EIF3H: variants seen among roughly 807,000 people sequenced by gnomAD.
EIF3H encodes eIF-3-gamma.
A neutral mutation model predicts 44.2 loss-of-function variants in EIF3H; 26 were observed. The observed-to-expected ratio is 0.59, with a 90% CI of 0.43 to 0.82. EIF3H has a LOEUF of 0.82. Ranked by LOEUF, EIF3H falls within the 40% of genes least tolerant of loss-of-function variation. The probability of loss-of-function intolerance (pLI) is 0.00; values close to 1 mark genes in which losing one functional copy is unlikely to be tolerated. For missense variants in EIF3H, 359 were observed against 432.8 expected (o/e 0.83, Z 1.51); for synonymous variants, 166 against 151.9 (o/e 1.09, Z -0.68).
intron 2 of EIF3H, among the ~76,000 whole-genome samples, chr8:116,714,205 C>A (rs1171580315): frequency 2.6e-5 from 4 of 152,010 alleles, no homozygotes; most frequent in African/African-American, 4.8e-5. Context: ...CCCAAACATA[C>A]AAATAATCAG....
chr8:116,748,360 A>C (rs1256624889), intron 1 of EIF3H, among the ~76,000 whole-genome samples: 3 of 152,334 alleles, frequency 2.0e-5, no homozygotes, highest in South Asian at 4.1e-4. Flanking sequence ...ATCCCTGTAC[A>C]GGGTCTTATA....
chr8:116,656,094 C>CT, intron 4 of EIF3H, 89 bp from the exon 5 acceptor site: 1 of 1,238,490 alleles, frequency 8.1e-7, no homozygotes, highest in Non-Finnish European at 1.1e-6. Context: ...ATTACAGGCC[C>CT]TATCCAAGAT....
At chr8:116,729,543 A>T (rs1377822671) in intron 1 of EIF3H, among the ~76,000 whole-genome samples, 1 of 152,202 alleles carries the variant, frequency 6.6e-6, no homozygotes, top group African/African-American at 2.4e-5. Context: ...GCTCCAAGTA[A>T]AAGAAATAAT....
At chr8:116,679,148 C>T (rs1586450640) in intron 2 of EIF3H, among the ~76,000 whole-genome samples, 1 of 75,052 alleles carries the variant, frequency 1.3e-5, no homozygotes. Context: ...CGGCCAGCCG[C>T]CCCGTCCGGG....
At chr8:116,744,951 G>A (rs761427720) in intron 1 of EIF3H, among the ~76,000 whole-genome samples, 1 of 152,200 alleles carries the variant, frequency 6.6e-6, no homozygotes, top group Non-Finnish European at 1.5e-5. Flanking sequence ...GGACTGAGCT[G>A]CAAGTCCAGA....
At chr8:116,702,692 CAT>C (rs1814398238) in intron 2 of EIF3H, among the ~76,000 whole-genome samples, 1 of 151,998 alleles carries the variant, frequency 6.6e-6, no homozygotes. Context: ...TTTTAATCAT[CAT>C]AAGCTGATTC....
At chr8:116,680,678 C>T (rs1813968313) in intron 2 of EIF3H, among the ~76,000 whole-genome samples, 1 of 131,982 alleles carries the variant, frequency 7.6e-6, no homozygotes, top group South Asian at 2.6e-4. Flanking sequence ...TACCCAGGGA[C>T]ACAAACACTG....
chr8:116,726,197 A>C (rs757984784), intron 1 of EIF3H, 25 bp from the exon 2 acceptor site: 7 of 1,589,804 alleles, frequency 4.4e-6, no homozygotes, highest in Non-Finnish European at 5.1e-6. Flanking sequence ...CACAGAAGGG[A>C]GCTTAACAAC....
chr8:116,735,695 T>C (rs562857676), intron 1 of EIF3H, among the ~76,000 whole-genome samples: 6 of 152,124 alleles, frequency 3.9e-5, no homozygotes, highest in Admixed American at 2.6e-4. Context: ...AAATAGGTCG[T>C]CTTGGCCCCA....
intron 2 of EIF3H, among the ~76,000 whole-genome samples, chr8:116,704,576 T>C (rs746320478): frequency 3.9e-5 from 6 of 152,354 alleles, no homozygotes; most frequent in African/African-American, 1.2e-4. Flanking sequence ...AAAATCTTCA[T>C]GTACAGTTGT....
intron 1 of EIF3H, among the ~76,000 whole-genome samples, chr8:116,751,039 C>T (rs1314178371): frequency 6.6e-6 from 1 of 151,110 alleles, no homozygotes; most frequent in South Asian, 2.1e-4. Flanking sequence ...GGTGAAACCC[C>T]GTCTCTACTA....
Position 116,644,837 on chromosome 8 carries a change from A to G in EIF3H, c.*169T>C, listed in dbSNP as rs1813273418. 1.8e-6 allele frequency: 1 copy of G among 550,198 alleles called. No homozygotes were observed. Among genetic ancestry groups the G allele is most frequent in the Non-Finnish European group, 3.2e-6 (1 of 307,890 alleles). The allele number at this position is 550,198 out of a possible 1,614,324, so 34.1% of individuals were successfully genotyped here. ...AAAATCAAATGAGCAAGCAGTCAAG[A>G]TTTTGTTTTATTTTATTATGGCTAG... On this transcript the variant is annotated 3_prime_UTR_variant, in exon 8 of 8. Transcript: ENST00000521861.
chr8:116,646,358 A>G (rs1489248276), intron 7 of EIF3H, 113 bp downstream of exon 7: 9 of 1,474,622 alleles, frequency 6.1e-6, no homozygotes, highest in Admixed American at 1.8e-5. Context: ...TCCTGCAACT[A>G]TTTCAAACAT....
intron 2 of EIF3H, among the ~76,000 whole-genome samples, chr8:116,713,756 T>C (rs1408392312): frequency 6.6e-6 from 1 of 152,132 alleles, no homozygotes; most frequent in Non-Finnish European, 1.5e-5. Context: ...TGAGCAATAA[T>C]CTAAAGTTCA....
chr8:116,755,579 G>C, intron 1 of EIF3H, 87 bp downstream of exon 1: 2 of 1,574,364 alleles, frequency 1.3e-6, no homozygotes, highest in Non-Finnish European at 1.7e-6. Flanking sequence ...CAAGCCCAAG[G>C]GGGAGAATGC....
intron 2 of EIF3H, among the ~76,000 whole-genome samples, chr8:116,724,995 C>T (rs905781398): frequency 6.6e-6 from 1 of 152,158 alleles, no homozygotes; most frequent in African/African-American, 2.4e-5. Flanking sequence ...TTCACTGCAG[C>T]ATTATTCACA....
intron 1 of EIF3H, among the ~76,000 whole-genome samples, chr8:116,764,458 T>A (rs1815548150): frequency 6.6e-6 from 1 of 152,182 alleles, no homozygotes; most frequent in African/African-American, 2.4e-5. Context: ...AAACGATGCT[T>A]TATTACAAAA....
intron 1 of EIF3H, among the ~76,000 whole-genome samples, chr8:116,739,870 A>G (rs1260723295): frequency 1.3e-5 from 2 of 152,192 alleles, no homozygotes; most frequent in South Asian, 4.1e-4. Flanking sequence ...AGACATGAAA[A>G]TAGTTTACAG....
chr8:116,697,338 TACTGAAGA>T, intron 2 of EIF3H: 1 of 383,488 alleles, frequency 2.6e-6, no homozygotes, highest in South Asian at 2.0e-5. Context: ...ACATATGGGA[TACTGAAGA>T]ACTATTGCTG....
Sources: gnomAD v4.1 joint callset for allele counts (sites outside exome capture counted in the v4.1 genomes callset) on GRCh38, gnomAD v4.1.1 for gene constraint, MANE v1.5 for transcripts, NCBI Gene and HGNC (gene_info 2026-07-23, HGNC 2026-07-21) for gene names.